The following STON2 variants were observed in gnomAD, a reference collection of about 807,000 sequenced individuals.
STON2 encodes stonin-2.
Under a neutral mutation model 65.7 loss-of-function variants are expected in STON2, and 29 were observed. The observed-to-expected ratio is 0.44, with a 90% CI of 0.33 to 0.60. STON2 has a LOEUF of 0.60. Ranked by LOEUF, STON2 falls within the 20% of genes least tolerant of loss-of-function variation. STON2 has a pLI of 0.03. For synonymous variants in STON2, 404 were observed against 414.2 expected (o/e 0.98, Z 0.30); for missense variants, 1,054 against 1,118.1 (o/e 0.94, Z 0.82).
chr14:81,277,359 A>G lies in STON2; in HGVS notation c.2123T>C (p.Val708Ala). ...KLHECRFHGC[V>A]DEDVFHNSRV... is the part of the protein sequence containing the mutation. ...TGAGTTGTGGAAAACATCCTCATCCACACACCCATGGAAACGGCACTCATG... is the reference window on the plus strand; with the variant it reads ...TGAGTTGTGGAAAACATCCTCATCCGCACACCCATGGAAACGGCACTCATG... The change falls in exon 6 of 8, where the codon GTG becomes GCG. Residue 708 changes from valine (V) to alanine (A), a missense_variant. Transcript: ENST00000614646. The G allele has an allele frequency of 6.2e-7, 1 of 1,614,128 alleles. No homozygotes were observed. Among genetic ancestry groups the G allele is most frequent in the Non-Finnish European group, 8.5e-7 (1 of 1,180,018 alleles).
chr14:81,263,064 A>C lies in STON2; in HGVS notation c.*5350T>G. 1 of 985,332 alleles carries C rather than the reference A, an allele frequency of 1.0e-6. No individual in the cohort carries two copies. Among genetic ancestry groups the C allele is most frequent in the Non-Finnish European group, 1.2e-6 (1 of 829,868 alleles). 61.0% of individuals were successfully genotyped at this position (985,332 alleles called of 1,614,324 possible). On this transcript the variant is annotated 3_prime_UTR_variant, in exon 8 of 8. Transcript: ENST00000614646. ...TGGTTTGAATGGGACTTAGTAGTAA[A>C]GTGTGTGAGACAGTGCATTTACCAA...
At chr14:81,342,600 T>C (rs1897655822) in intron 4 of STON2, among the ~76,000 whole-genome samples, 1 of 151,846 alleles carries the variant, frequency 6.6e-6, no homozygotes, top group Non-Finnish European at 1.5e-5. Context: ...GGGGCCCTCC[T>C]GATCCACACA....
chr14:81,356,905 C>G (rs991554689), intron 4 of STON2, among the ~76,000 whole-genome samples: 1 of 151,546 alleles, frequency 6.6e-6, no homozygotes, highest in Non-Finnish European at 1.5e-5. Context: ...CTCTTTTTTT[C>G]TTTATTAGTC....
Position 81,266,863 on chromosome 14 carries a change from C to T in STON2, c.*1551G>A, listed in dbSNP as rs1053735262. The T allele has an allele frequency of 2.0e-6, 2 of 981,844 alleles. No homozygotes were observed. Among genetic ancestry groups the T allele is most frequent in the African/African-American group, 1.7e-5 (1 of 57,252 alleles). The allele number at this position is 981,844 out of a possible 1,614,324, so 60.8% of individuals were successfully genotyped here. A position where few individuals can be genotyped will look rare whatever the true frequency, so the allele number is the denominator to read the frequency against. On this transcript the variant is annotated 3_prime_UTR_variant, in exon 8 of 8. Transcript: ENST00000614646. ...CCACAAACACACACTCCACTCTGTA[C>T]TTAGAGGGTTGCATTTTAAAAACCC...
At chr14:81,405,757 T>C in intron 2 of STON2, among the ~76,000 whole-genome samples, 1 of 152,082 alleles carries the variant, frequency 6.6e-6, no homozygotes, top group African/African-American at 2.4e-5. Context: ...CTGTAGATCT[T>C]GACAGGGTAT....
rs1199294791 is a variant in STON2, at chr14:81,277,136, A to G, written c.2346T>C (p.Cys782=). ...CAGGGTAACGGATCATCACATTCTC[A>G]CAGGGAACCTGAGTGAGGGGGTCAC... ...ANRDPLTQVP[C]ENVMIRYPVP... The change falls in exon 6 of 8, where the codon TGT becomes TGC. Residue 782 remains cysteine (C), a synonymous_variant. Transcript: ENST00000614646. The G allele has an allele frequency of 6.2e-7, 1 of 1,612,260 alleles. No homozygotes were observed. The highest frequency in any genetic ancestry group is 1.7e-5 in the Admixed American group (1 of 60,000).
At chr14:81,376,959 T>C (rs918604771) in intron 3 of STON2, among the ~76,000 whole-genome samples, 16 of 152,298 alleles carry the variant, frequency 1.1e-4, no homozygotes, top group East Asian at 1.9e-4. Flanking sequence ...AATCAGAAAA[T>C]TGACATTAAT....
chr14:81,262,239 A>G lies in STON2; in HGVS notation c.*6175T>C. On this transcript the variant is annotated 3_prime_UTR_variant, in exon 8 of 8. Transcript: ENST00000614646. ...CCATGGCTATGTCCTGTAAAGATTC[A>G]CAGAAACCCCAATTTCCCCTTAATA... The G allele has an allele frequency of 1.0e-6, 1 of 985,470 alleles. No individual in the cohort carries two copies. Among genetic ancestry groups the G allele is most frequent in the Non-Finnish European group, 1.2e-6 (1 of 829,944 alleles). 61.0% of individuals were successfully genotyped at this position (985,470 alleles called of 1,614,324 possible).
intron 4 of STON2, among the ~76,000 whole-genome samples, chr14:81,359,848 T>C (rs1418733361): frequency 1.3e-5 from 2 of 152,092 alleles, no homozygotes; most frequent in Non-Finnish European, 2.9e-5. Flanking sequence ...CAATAACCAG[T>C]AAGGAGACTG....
chr14:81,354,951 C>T (rs765006936), intron 4 of STON2, among the ~76,000 whole-genome samples: 5 of 149,500 alleles, frequency 3.3e-5, no homozygotes, highest in Non-Finnish European at 7.4e-5. Flanking sequence ...ACCTGGGAGG[C>T]GGAAGTTGCA....
At chr14:81,304,664 G>GT (rs1363311972) in intron 5 of STON2, among the ~76,000 whole-genome samples, 1 of 152,154 alleles carries the variant, frequency 6.6e-6, no homozygotes, top group Non-Finnish European at 1.5e-5. Flanking sequence ...GGAGGCGGGG[G>GT]TTGCAGTGAG....
chr14:81,379,366 A>G (rs914662084), intron 3 of STON2, among the ~76,000 whole-genome samples: 1 of 152,200 alleles, frequency 6.6e-6, no homozygotes. Context: ...TTATTAACAG[A>G]CAATAAAGAA....
At chr14:81,418,002 A>G (rs1901523538) in intron 2 of STON2, among the ~76,000 whole-genome samples, 1 of 152,198 alleles carries the variant, frequency 6.6e-6, no homozygotes, top group South Asian at 2.1e-4. Context: ...GTGACTTGAG[A>G]AAGCTTGCAG....
At chr14:81,362,243 C>T (rs758855181) in intron 4 of STON2, among the ~76,000 whole-genome samples, 6 of 152,116 alleles carry the variant, frequency 3.9e-5, no homozygotes, top group Non-Finnish European at 7.4e-5. Context: ...AAGTGTCCAT[C>T]AGTGGATGAA....
At chr14:81,403,630 C>T (rs1472414597), upstream of STON2, among the ~76,000 whole-genome samples, 3 of 152,160 alleles carry the variant, frequency 2.0e-5, no homozygotes, top group East Asian at 3.9e-4. Context: ...AGCATCCTAA[C>T]CAGACCCATG....
At position 81,408,825 on chromosome 14, in the gene STON2, C is replaced by T. The variant is rs144721438; in HGVS notation, c.-198-10245G>A. On this transcript the variant is annotated intron_variant, in intron 2 of 8. Coordinates refer to the STON2 transcript ENST00000553821. ...GCAGTGACCTTGACTGACATCCCCACGTACCTGAGCAGTGTATCACATTAG... is the reference window on the plus strand; with the variant it reads ...GCAGTGACCTTGACTGACATCCCCATGTACCTGAGCAGTGTATCACATTAG... Among the ~76,000 whole-genome samples, 76 of 152,338 alleles carry T rather than the reference C, an allele frequency of 5.0e-4. 1 individual carries two copies. The highest frequency in any genetic ancestry group is 6.3e-4 in the African/African-American group (26 of 41,582).
chr14:81,297,026 A>T (rs1000985353), intron 5 of STON2, among the ~76,000 whole-genome samples: 1 of 152,188 alleles, frequency 6.6e-6, no homozygotes, highest in Non-Finnish European at 1.5e-5. Context: ...TTGGGGTTGG[A>T]TTCTCTAACC....
At chr14:81,363,613 T>C (rs532189868) in intron 4 of STON2, among the ~76,000 whole-genome samples, 12 of 143,388 alleles carry the variant, frequency 8.4e-5, no homozygotes, top group African/African-American at 2.5e-4. Context: ...AGTGAAAAGA[T>C]GTGATTTGTT....
intron 2 of STON2, among the ~76,000 whole-genome samples, chr14:81,425,219 A>G (rs6574653): frequency 0.29 from 43,467 of 152,090 alleles, 9,412 homozygotes; most frequent in African/African-American, 0.59. Context: ...ATTATTTGCT[A>G]AGTGAAATAA....
Sources: allele counts gnomAD v4.1 joint callset (sites outside exome capture counted in the v4.1 genomes callset), GRCh38; gene constraint gnomAD v4.1.1; transcripts MANE v1.5; gene names NCBI Gene and HGNC (gene_info 2026-07-23, HGNC 2026-07-21).